Variants in EPG5 observed in about 807,000 individuals in gnomAD.
The protein encoded by EPG5 is ectopic P granules protein 5 homolog.
A neutral mutation model predicts 302.7 loss-of-function variants in EPG5; 159 were observed. That is an observed-to-expected ratio of 0.53 (90% CI 0.46 to 0.60). The LOEUF (loss-of-function observed/expected upper bound fraction) is 0.60. Ranked by LOEUF, EPG5 falls within the 20% of genes least tolerant of loss-of-function variation. The pLI is 0.00. For missense variants in EPG5, 2,896 were observed against 3,092.4 expected (o/e 0.94, Z 1.51); for synonymous variants, 1,158 against 1,136.8 (o/e 1.02, Z -0.37).
chr18:45,916,169 C>T lies in EPG5; in HGVS notation c.3422G>A (p.Gly1141Asp), dbSNP rs776414813. The change falls in exon 19 of 44, where the codon GGC (glycine) becomes GAC (aspartate). Residue 1141 changes from glycine (G) to aspartate (D), a missense_variant. Transcript: ENST00000282041. ...ISVSTQPNEV[G>D]PVAVLEFWVQ... ...CCAGAACTCCAACACAGCAACGGGG[C>T]CCACTTCATTGGGCTGAGTGCTTAC... 2.5e-6 allele frequency: 4 copies of T among 1,613,924 alleles called. No homozygotes were observed. In the Admixed American group the frequency reaches 5.0e-5, roughly 20 times the overall value.
At chr18:45,865,536 C>T (rs2048725644) in intron 39 of EPG5, 79 bp downstream of exon 39, 4 of 1,466,970 alleles carry the variant, frequency 2.7e-6, no homozygotes, top group Non-Finnish European at 3.8e-6. Context: ...TCCTGAACAT[C>T]CTCCTGATCT....
At chr18:45,900,918 C>T in intron 26 of EPG5, 78 bp downstream of exon 26, 1 of 1,478,888 alleles carries the variant, frequency 6.8e-7, no homozygotes, top group East Asian at 2.3e-5. Flanking sequence ...GACAAGGAAG[C>T]CACTCCAGGT....
intron 27 of EPG5, among the ~76,000 whole-genome samples, chr18:45,896,762 C>T (rs2049487120): frequency 6.6e-6 from 1 of 152,174 alleles, no homozygotes. Flanking sequence ...GTTGCCCAGG[C>T]TGCTGAACTC....
intron 39 of EPG5, among the ~76,000 whole-genome samples, chr18:45,864,284 TC>T (rs1277004869): frequency 2.6e-5 from 4 of 152,166 alleles, no homozygotes; most frequent in African/African-American, 9.7e-5. Flanking sequence ...TGTGCTGCAA[TC>T]TGAGTATTTT....
At chr18:45,954,271 T>G (rs2050974673) in intron 2 of EPG5, 123 bp downstream of exon 2, 1 of 896,572 alleles carries the variant, frequency 1.1e-6, no homozygotes, top group Non-Finnish European at 1.7e-6. Flanking sequence ...TTGTGATCCC[T>G]GCACTCTATT....
rs1295592447 is a variant in EPG5, at chr18:45,923,254, A to G, written c.2838+14T>C. On this transcript the variant is annotated intron_variant, in intron 15 of 43. Coordinates refer to ENST00000282041, the MANE Select transcript of EPG5 (RefSeq NM_020964.3). ...TAAAGATTCATGTTTCCAAATCAGA[A>G]GAGAAGGAAATACCTGCTTCATACT... The G allele has an allele frequency of 3.1e-6, 5 of 1,611,316 alleles. No individual in the cohort carries two copies. In the Admixed American group the frequency reaches 5.1e-5, roughly 16 times the overall value.
intron 22 of EPG5, 94 bp downstream of exon 22, chr18:45,912,196 C>A: frequency 1.7e-6 from 2 of 1,183,056 alleles, no homozygotes; most frequent in South Asian, 2.0e-5. Context: ...AAGAATGATT[C>A]CAACTCACAC....
chr18:45,911,923 C>T (rs556961612), intron 22 of EPG5, among the ~76,000 whole-genome samples: 5 of 152,232 alleles, frequency 3.3e-5, no homozygotes, highest in South Asian at 2.1e-4. Context: ...TTTGTTCACA[C>T]GCGCACCACT....
the EPG5 span, chr18:45,842,481 G>A: frequency 1.1e-5 from 4 of 360,260 alleles, no homozygotes; most frequent in African/African-American, 4.1e-5. Flanking sequence ...TAGCTTGAGC[G>A]TGAAACTTCC....
intron 11 of EPG5, among the ~76,000 whole-genome samples, chr18:45,932,654 T>C (rs185713707): frequency 6.6e-6 from 1 of 152,074 alleles, no homozygotes; most frequent in Non-Finnish European, 1.5e-5. Flanking sequence ...TATAAAAGAT[T>C]AAGCAAAGGA....
At chr18:45,940,493 AT>A (rs141475442) in intron 9 of EPG5, among the ~76,000 whole-genome samples, 4,754 of 151,922 alleles carry the variant, frequency 0.031, 213 homozygotes, top group African/African-American at 0.1. Flanking sequence ...AAGCAGGAAG[AT>A]AAGTCAGGAG....
chr18:45,831,584 C>A, the EPG5 span, among the ~76,000 whole-genome samples: 2 of 152,160 alleles, frequency 1.3e-5, no homozygotes, highest in Non-Finnish European at 2.9e-5. Context: ...GAGTCTCTAG[C>A]ACATGGTAAA....
At chr18:45,870,528 G>A in intron 36 of EPG5, 39 bp downstream of exon 36, 2 of 1,580,256 alleles carry the variant, frequency 1.3e-6, no homozygotes, top group Non-Finnish European at 1.7e-6. Context: ...CTAGAAGCCA[G>A]ATCTCTCTAG....
chr18:45,837,220 C>T, the EPG5 span: 1 of 1,411,092 alleles, frequency 7.1e-7, no homozygotes, highest in Non-Finnish European at 9.3e-7. Context: ...GTCAAGGGGC[C>T]TGCAGGTGAA....
At chr18:45,958,681 T>C (rs1380480505) in intron 1 of EPG5, among the ~76,000 whole-genome samples, 3 of 152,216 alleles carry the variant, frequency 2.0e-5, no homozygotes, top group Non-Finnish European at 4.4e-5. Context: ...ATACACCTAA[T>C]GTGAGAGCTA....
intron 24 of EPG5, among the ~76,000 whole-genome samples, chr18:45,904,381 T>C (rs147279691): frequency 6.3e-4 from 96 of 152,268 alleles, no homozygotes; most frequent in African/African-American, 2.3e-3. Flanking sequence ...ACATACACTA[T>C]AAAGCTAATA....
In EPG5 at chr18:45,861,715, T is replaced by C. The variant is rs79316213; in HGVS notation, c.6767-1369A>G. On this transcript the variant is annotated intron_variant, in intron 39 of 43. Coordinates refer to ENST00000282041, the MANE Select transcript of EPG5 (RefSeq NM_020964.3). ...TTACAATATCTACATGAAACAGGTA[T>C]GACCATTAACAACATTTAGCACCGT... 3.8e-3 allele frequency among the ~76,000 whole-genome samples: 578 copies of C among 152,350 alleles called. 2 individuals are homozygous for C. The highest frequency in any genetic ancestry group is 0.013 in the African/African-American group (548 of 41,592).
chr18:45,948,886 G>A (rs931173030), intron 5 of EPG5, among the ~76,000 whole-genome samples: 1 of 152,164 alleles, frequency 6.6e-6, no homozygotes, highest in African/African-American at 2.4e-5. Context: ...TACCTAATAA[G>A]ATTCAGACTT....
At chr18:45,963,909 G>A (rs1053767182) in intron 1 of EPG5, among the ~76,000 whole-genome samples, 2 of 152,234 alleles carry the variant, frequency 1.3e-5, no homozygotes, top group Non-Finnish European at 2.9e-5. Flanking sequence ...GGTTGTACTA[G>A]TTAGGATGGA....
Sources: gnomAD v4.1 joint callset for allele counts (sites outside exome capture counted in the v4.1 genomes callset) on GRCh38, gnomAD v4.1.1 for gene constraint, MANE v1.5 for transcripts, NCBI Gene and HGNC (gene_info 2026-07-23, HGNC 2026-07-21) for gene names.